EPHA4: variants seen among roughly 807,000 people sequenced by gnomAD.
EPHA4 encodes the protein ephrin type-A receptor 4.
EPHA4 carries 19 observed loss-of-function variants against 108.3 expected under a neutral mutation model. The ratio of observed to expected loss-of-function variants is 0.18; its 90% CI spans 0.12 to 0.26. EPHA4 has a LOEUF of 0.26. EPHA4 is among the 10% of genes least tolerant of loss of function. The pLI, the probability that EPHA4 is intolerant of heterozygous loss-of-function variation, is 1.00. For missense variants in EPHA4, 917 were observed against 1,254.0 expected (o/e 0.73, Z 4.06); for synonymous variants, 449 against 455.5 (o/e 0.99, Z 0.18).
At chr2:221,469,498 A>G (rs1430212) in intron 5 of EPHA4, among the ~76,000 whole-genome samples, 114,850 of 152,062 alleles carry the variant, frequency 0.76, 43,476 homozygotes, top group East Asian at 0.87. Context: ...TATTTCTCAA[A>G]CTAACAGAAC....
intron 3 of EPHA4, among the ~76,000 whole-genome samples, chr2:221,547,233 A>C (rs1694023833): frequency 6.6e-6 from 1 of 152,242 alleles, no homozygotes; most frequent in Non-Finnish European, 1.5e-5. Context: ...ATTCTACCTG[A>C]ATCAGCTAAA....
chr2:221,553,066 T>C (rs1422654851), intron 3 of EPHA4, among the ~76,000 whole-genome samples: 7 of 152,202 alleles, frequency 4.6e-5, no homozygotes, highest in African/African-American at 1.4e-4. Context: ...GGTTGGGGAA[T>C]TGCCACATTA....
chr2:221,545,836 T>A (rs2106194409), intron 3 of EPHA4, among the ~76,000 whole-genome samples: 1 of 152,300 alleles, frequency 6.6e-6, no homozygotes, highest in South Asian at 2.1e-4. Flanking sequence ...TGCACTTGCT[T>A]AATCCACAAG....
chr2:221,527,629 G>A (rs1693379040), intron 3 of EPHA4, among the ~76,000 whole-genome samples: 1 of 152,244 alleles, frequency 6.6e-6, no homozygotes, highest in Non-Finnish European at 1.5e-5. Context: ...AATGGGGCAA[G>A]AGCGTGTGTC....
intron 11 of EPHA4, among the ~76,000 whole-genome samples, chr2:221,440,469 C>T (rs575917330): frequency 6.6e-6 from 1 of 152,286 alleles, no homozygotes; most frequent in South Asian, 2.1e-4. Context: ...GTGAAGGGCT[C>T]TGGGCGGCCC....
chr2:221,501,275 T>C (rs1267809411), intron 3 of EPHA4, 103 bp from the exon 4 acceptor site: 2 of 1,040,922 alleles, frequency 1.9e-6, no homozygotes, highest in African/African-American at 1.6e-5. Flanking sequence ...GAGACGTTCT[T>C]GCTAATCATT....
intron 2 of EPHA4, among the ~76,000 whole-genome samples, chr2:221,566,924 A>G (rs1694670298): frequency 5.1e-5 from 3 of 58,538 alleles, no homozygotes; most frequent in African/African-American, 2.0e-4. Context: ...GAGAAGGAGA[A>G]GGAGAAGGAG....
At chr2:221,506,034 C>T (rs997570729) in intron 3 of EPHA4, among the ~76,000 whole-genome samples, 4 of 150,970 alleles carry the variant, frequency 2.6e-5, no homozygotes, top group African/African-American at 9.7e-5. Flanking sequence ...AACACTGATT[C>T]TAAGGAGAAT....
chr2:221,461,088 G>T (rs1452854409), intron 5 of EPHA4, among the ~76,000 whole-genome samples: 1 of 152,166 alleles, frequency 6.6e-6, no homozygotes, highest in African/African-American at 2.4e-5. Context: ...TAAAAATGGA[G>T]ATTAGCCAGT....
In EPHA4 at chr2:221,497,041, A is replaced by G. The variant is rs188110042; in HGVS notation, c.979+3976T>C. On this transcript the variant is annotated intron_variant, in intron 4 of 17. Coordinates refer to ENST00000281821, the MANE Select transcript of EPHA4 (RefSeq NM_004438.5). Reference sequence around the variant, plus strand: ...AGAAATCCTGGGGTACAGGGCAGCCATCAAGTAATTTAATTATGCACGCAA... The same window carrying G: ...AGAAATCCTGGGGTACAGGGCAGCCGTCAAGTAATTTAATTATGCACGCAA... 4.2e-5 allele frequency among the ~76,000 whole-genome samples: 6 copies of G among 141,260 alleles called. No individual in the cohort carries two copies. The East Asian group carries it at 1.3e-3, about 30-fold the overall frequency. The allele number at this position is 141,260 out of a possible 152,430, so 92.7% of individuals were successfully genotyped here.
intron 15 of EPHA4, among the ~76,000 whole-genome samples, chr2:221,428,620 G>A (rs1689981599): frequency 6.6e-6 from 1 of 152,190 alleles, no homozygotes; most frequent in South Asian, 2.1e-4. Flanking sequence ...AGGTGGAAGA[G>A]AAGTCAGCTA....
At chr2:221,463,857 T>C (rs1388594834) in intron 5 of EPHA4, among the ~76,000 whole-genome samples, 1 of 152,120 alleles carries the variant, frequency 6.6e-6, no homozygotes, top group Non-Finnish European at 1.5e-5. Flanking sequence ...AGCTAGAAAA[T>C]TGTTTTCTTG....
chr2:221,551,282 T>C (rs545567395), intron 3 of EPHA4, among the ~76,000 whole-genome samples: 1 of 152,278 alleles, frequency 6.6e-6, no homozygotes, highest in African/African-American at 2.4e-5. Context: ...AATCAATAGC[T>C]TTCCTGTAGA....
At position 221,426,218 on chromosome 2, in the gene EPHA4, A is replaced by G. The variant is rs537955758; in HGVS notation, c.2847-76T>C. The G allele has an allele frequency of 5.9e-5, 79 of 1,344,174 alleles. 1 individual carries two copies. The highest frequency in any genetic ancestry group is 5.2e-4 in the Admixed American group (31 of 59,122). The allele number at this position is 1,344,174 out of a possible 1,614,324, so 83.3% of individuals were successfully genotyped here. ...ATCTCTTTTCTTGGGCTTCATGCAG[A>G]CACACGTTTGAATCAGCCACAATTA... On this transcript the variant is annotated intron_variant, in intron 16 of 17. Transcript: ENST00000281821.
At chr2:221,432,974 A>G (rs1234055501) in intron 14 of EPHA4, among the ~76,000 whole-genome samples, 2 of 151,804 alleles carry the variant, frequency 1.3e-5, no homozygotes, top group Admixed American at 6.6e-5. Flanking sequence ...CCAGGCACCC[A>G]CCACTATGCC....
At chr2:221,475,967 C>T (rs535422533) in intron 5 of EPHA4, among the ~76,000 whole-genome samples, 29 of 152,202 alleles carry the variant, frequency 1.9e-4, no homozygotes, top group Middle Eastern at 3.4e-3. Context: ...ACCTGTAATC[C>T]CAGAACTTTG....
chr2:221,560,617 C>T (rs911831011), intron 3 of EPHA4, among the ~76,000 whole-genome samples: 3 of 152,156 alleles, frequency 2.0e-5, no homozygotes, highest in African/African-American at 7.2e-5. Flanking sequence ...TTGGGAAGAG[C>T]ACAATGACAA....
At chr2:221,476,088 C>T (rs747156077) in intron 5 of EPHA4, among the ~76,000 whole-genome samples, 4 of 152,112 alleles carry the variant, frequency 2.6e-5, no homozygotes, top group South Asian at 2.1e-4. Context: ...GATGTGGTGG[C>T]GCCCGCCTGT....
chr2:221,564,296 A>G lies in EPHA4; in HGVS notation c.258T>C (p.Thr86=), dbSNP rs778670917. 8 of 1,613,992 alleles carry G rather than the reference A, an allele frequency of 5.0e-6. No individual in the cohort carries two copies. The highest frequency in any genetic ancestry group is 6.8e-6 in the Non-Finnish European group (8 of 1,180,014). The change falls in exon 3 of 18, where the codon ACT becomes ACC. Residue 86 remains threonine (T), a synonymous_variant. Coordinates refer to ENST00000281821, the MANE Select transcript of EPHA4 (RefSeq NM_004438.5). ...MEPSQNNWLR[T]DWITREGAQR... ...GAGCCCCTTCTCGGGTGATCCAATC[A>G]GTTCGTAGCCAGTTATTCTGGCTGG...
Sources: gnomAD v4.1 joint callset for allele counts (sites outside exome capture counted in the v4.1 genomes callset) on GRCh38, gnomAD v4.1.1 for gene constraint, MANE v1.5 for transcripts, NCBI Gene and HGNC (gene_info 2026-07-23, HGNC 2026-07-21) for gene names.